The following UQCC1 variants were observed in gnomAD, a reference collection of about 807,000 sequenced individuals.
UQCC1 encodes the protein bFGF-repressed Zic-binding protein.
In UQCC1, 38 loss-of-function variants were observed where a neutral mutation model predicts 48.0. That is an observed-to-expected ratio of 0.79 (90% confidence interval 0.61 to 1.04). The LOEUF (loss-of-function observed/expected upper bound fraction) is 1.04. UQCC1 is among the 50% of genes least tolerant of loss of function. UQCC1 has a pLI of 0.00. For synonymous variants in UQCC1, 111 were observed against 129.2 expected (o/e 0.86, Z 0.95); for missense variants, 368 against 381.8 (o/e 0.96, Z 0.30).
chr20:35,392,858 C>T lies in UQCC1; in HGVS notation c.129+1234G>A, dbSNP rs183846348. 1.4e-4 allele frequency among the ~76,000 whole-genome samples: 21 copies of T among 151,570 alleles called. 1 individual carries two copies. The highest frequency in any genetic ancestry group is 4.8e-4 in the African/African-American group (20 of 41,442). Reference sequence around the variant, plus strand: ...CATATAGCAAACATATTTTTAATTGCATCGAATACGAAAAAGAAAGTTAAT... The same window carrying T: ...CATATAGCAAACATATTTTTAATTGTATCGAATACGAAAAAGAAAGTTAAT... On this transcript the variant is annotated intron_variant, in intron 2 of 9. Transcript: ENST00000374385.
chr20:35,345,465 T>A (rs904419764), intron 7 of UQCC1: 14 of 152,250 alleles, frequency 9.2e-5, no homozygotes, highest in Admixed American at 9.2e-4. Context: ...AGAAACCTTC[T>A]GTGTAATTGT....
chr20:35,370,459 C>A (rs536243731), intron 5 of UQCC1, among the ~76,000 whole-genome samples: 1 of 152,214 alleles, frequency 6.6e-6, no homozygotes, highest in Admixed American at 6.5e-5. Flanking sequence ...AAGGTATATT[C>A]CAGATTTGTT....
chr20:35,315,734 A>G (rs1363593342), intron 7 of UQCC1, among the ~76,000 whole-genome samples: 1 of 152,184 alleles, frequency 6.6e-6, no homozygotes, highest in Non-Finnish European at 1.5e-5. Flanking sequence ...ACAAAAAAAT[A>G]CAAAAATTAG....
chr20:35,393,485 CACACACAA>C (rs1319117737), intron 2 of UQCC1, among the ~76,000 whole-genome samples: 3,081 of 94,336 alleles, frequency 0.033, 106 homozygotes, highest in African/African-American at 0.11. Flanking sequence ...CACACACACA[CACACACAA>C]ACACACACAA....
Position 35,404,247 on chromosome 20 carries a change from T to C in UQCC1, c.24+7693A>G, listed in dbSNP as rs182510566. Among the ~76,000 whole-genome samples, 1,038 of 152,140 alleles carry C rather than the reference T, an allele frequency of 6.8e-3. 16 individuals carry two copies. The highest frequency in any genetic ancestry group is 0.024 in the African/African-American group (991 of 41,518). On this transcript the variant is annotated intron_variant, in intron 1 of 9. Coordinates refer to ENST00000374385, the MANE Select transcript of UQCC1 (RefSeq NM_018244.5). ...AGCCAGGCGTGGTGGCGGGTGCCTG[T>C]AGTCCCAGCTACTCGGAGAGGCTGA...
At chr20:35,334,041 T>C (rs1426619179) in intron 7 of UQCC1, among the ~76,000 whole-genome samples, 1 of 152,160 alleles carries the variant, frequency 6.6e-6, no homozygotes, top group Non-Finnish European at 1.5e-5. Context: ...TAGTTTGTGC[T>C]GTGCTGATCA....
chr20:35,346,904 G>A (rs2061437234), intron 7 of UQCC1: 1 of 1,294,712 alleles, frequency 7.7e-7, no homozygotes, highest in Non-Finnish European at 1.0e-6. Context: ...CTATCACCAC[G>A]ATTTGGGCTT....
chr20:35,363,357 T>C (rs941886012), intron 6 of UQCC1, among the ~76,000 whole-genome samples: 1 of 152,180 alleles, frequency 6.6e-6, no homozygotes, highest in Admixed American at 6.5e-5. Context: ...CAGTGGCCTC[T>C]CTCAGCATTT....
intron 6 of UQCC1, among the ~76,000 whole-genome samples, chr20:35,359,532 T>C (rs142072945): frequency 9.3e-4 from 142 of 152,332 alleles, no homozygotes; most frequent in African/African-American, 3.2e-3. Flanking sequence ...TGCCAGGTAC[T>C]GGCAGCTCTG....
intron 4 of UQCC1, among the ~76,000 whole-genome samples, chr20:35,381,684 C>T (rs2061870937): frequency 6.6e-6 from 1 of 152,164 alleles, no homozygotes; most frequent in Admixed American, 6.5e-5. Context: ...AACACAGCTT[C>T]AAAAAGGTCG....
At chr20:35,357,559 C>T (rs1416548040) in intron 6 of UQCC1, among the ~76,000 whole-genome samples, 1 of 151,376 alleles carries the variant, frequency 6.6e-6, no homozygotes, top group Non-Finnish European at 1.5e-5. Context: ...TGACTGTAGT[C>T]TCAGCTACAG....
chr20:35,376,968 CAAAAA>C (rs11330133), intron 4 of UQCC1, among the ~76,000 whole-genome samples: 2 of 142,630 alleles, frequency 1.4e-5, no homozygotes, highest in African/African-American at 5.4e-5. Context: ...CAAAACAAAA[CAAAAA>C]AAAAAAGAAA....
At chr20:35,312,470 C>T (rs2061005188) in intron 8 of UQCC1, among the ~76,000 whole-genome samples, 1 of 152,132 alleles carries the variant, frequency 6.6e-6, no homozygotes, top group Admixed American at 6.5e-5. Flanking sequence ...AATGCAAACA[C>T]AGTAGGCATT....
chr20:35,407,407 G>A (rs1204108914), intron 1 of UQCC1, among the ~76,000 whole-genome samples: 1 of 150,680 alleles, frequency 6.6e-6, no homozygotes, highest in African/African-American at 2.4e-5. Flanking sequence ...TAGCCTGGGT[G>A]ACAGTGCAAG....
At chr20:35,326,406 TG>T (rs1441557610) in intron 7 of UQCC1, among the ~76,000 whole-genome samples, 1 of 152,246 alleles carries the variant, frequency 6.6e-6, no homozygotes, top group Non-Finnish European at 1.5e-5. Flanking sequence ...CAGTCTTGTA[TG>T]ATTTTAGCAA....
intron 2 of UQCC1, among the ~76,000 whole-genome samples, chr20:35,393,291 A>G (rs921914792): frequency 3.9e-5 from 6 of 152,166 alleles, no homozygotes; most frequent in African/African-American, 1.4e-4. Context: ...ATGGCAAAAA[A>G]AAGGAAATGA....
intron 7 of UQCC1, among the ~76,000 whole-genome samples, chr20:35,336,243 G>T (rs2061315157): frequency 6.6e-6 from 1 of 152,214 alleles, no homozygotes; most frequent in African/African-American, 2.4e-5. Flanking sequence ...TACTGTGTAA[G>T]TCTAATTAAA....
At chr20:35,372,964 T>C (rs2061751854) in intron 5 of UQCC1, among the ~76,000 whole-genome samples, 1 of 152,236 alleles carries the variant, frequency 6.6e-6, no homozygotes, top group Admixed American at 6.5e-5. Flanking sequence ...TATATACAAA[T>C]ATTTGCTGCT....
intron 1 of UQCC1, among the ~76,000 whole-genome samples, chr20:35,394,484 C>T (rs1304139680): frequency 6.6e-6 from 1 of 152,078 alleles, no homozygotes; most frequent in Admixed American, 6.6e-5. Context: ...AGGGTTGGAA[C>T]TCAGCCCCAA....
Sources: allele counts gnomAD v4.1 joint callset (sites outside exome capture counted in the v4.1 genomes callset), GRCh38; gene constraint gnomAD v4.1.1; transcripts MANE v1.5; gene names NCBI Gene and HGNC (gene_info 2026-07-23, HGNC 2026-07-21).